Variants in SGCZ observed in about 807,000 individuals in gnomAD.
SGCZ encodes the protein zeta-sarcoglycan.
A neutral mutation model predicts 41.3 loss-of-function variants in SGCZ; 40 were observed. The ratio of observed to expected loss-of-function variants is 0.97; its 90% CI spans 0.75 to 1.26. The LOEUF (loss-of-function observed/expected upper bound fraction) is 1.26. Ranked by LOEUF, SGCZ falls within the 50% of genes most tolerant of loss-of-function variation. The pLI is 0.00. For missense variants in SGCZ, 552 were observed against 369.8 expected (o/e 1.49, Z -4.04); for synonymous variants, 206 against 137.5 (o/e 1.50, Z -3.49).
intron 3 of SGCZ, among the ~76,000 whole-genome samples, chr8:14,280,798 A>G (rs922002058): frequency 2.9e-4 from 6 of 20,370 alleles, no homozygotes; most frequent in Non-Finnish European, 5.6e-4. Context: ...TTTAAACTAT[A>G]GGGTTTTTTT....
At chr8:14,645,077 T>G (rs887883438) in intron 1 of SGCZ, among the ~76,000 whole-genome samples, 14 of 151,664 alleles carry the variant, frequency 9.2e-5, no homozygotes. Context: ...ATTTTTATAT[T>G]TGGCAAGCAT....
At chr8:15,230,021 A>G (rs1163563597) in intron 1 of SGCZ, among the ~76,000 whole-genome samples, 1 of 152,212 alleles carries the variant, frequency 6.6e-6, no homozygotes, top group African/African-American at 2.4e-5. Flanking sequence ...TTATAGATTT[A>G]AAGTTTGCAT....
chr8:14,372,127 G>T (rs915021026), intron 2 of SGCZ, among the ~76,000 whole-genome samples: 1 of 152,066 alleles, frequency 6.6e-6, no homozygotes, highest in Non-Finnish European at 1.5e-5. Flanking sequence ...AATAAGAAAG[G>T]AAATAAGATT....
intron 1 of SGCZ, among the ~76,000 whole-genome samples, chr8:14,734,913 C>A (rs1798980429): frequency 6.6e-6 from 1 of 152,068 alleles, no homozygotes; most frequent in Admixed American, 6.6e-5. Flanking sequence ...TCTTGTTTAA[C>A]ATGGTATGGG....
intron 1 of SGCZ, among the ~76,000 whole-genome samples, chr8:15,012,789 G>C (rs774964982): frequency 6.7e-6 from 1 of 148,890 alleles, no homozygotes; most frequent in Non-Finnish European, 1.5e-5. Flanking sequence ...ATTTATTTAT[G>C]TGTGTGTGCA....
intron 3 of SGCZ, among the ~76,000 whole-genome samples, chr8:14,308,621 A>T (rs1370290530): frequency 6.6e-6 from 1 of 152,036 alleles, no homozygotes; most frequent in Non-Finnish European, 1.5e-5. Context: ...GTCTAAAAAA[A>T]ATTTATAAAA....
At chr8:14,366,658 T>A (rs1382076375) in intron 2 of SGCZ, among the ~76,000 whole-genome samples, 3 of 152,136 alleles carry the variant, frequency 2.0e-5, no homozygotes, top group Non-Finnish European at 4.4e-5. Flanking sequence ...AAGTCCCATC[T>A]GAGACAAGAC....
At chr8:15,071,655 C>T (rs1030069286) in intron 1 of SGCZ, among the ~76,000 whole-genome samples, 4 of 152,170 alleles carry the variant, frequency 2.6e-5, no homozygotes, top group African/African-American at 9.7e-5. Context: ...ACAATATAGA[C>T]AACTTCTGAA....
chr8:14,683,813 G>A (rs943516172), intron 1 of SGCZ, among the ~76,000 whole-genome samples: 1 of 152,048 alleles, frequency 6.6e-6, no homozygotes, highest in Admixed American at 6.6e-5. Flanking sequence ...AAAATTAAGT[G>A]ATTTTCTCAT....
At chr8:14,515,193 C>A (rs1802585475) in intron 2 of SGCZ, among the ~76,000 whole-genome samples, 1 of 151,986 alleles carries the variant, frequency 6.6e-6, no homozygotes. Context: ...TCCAATAAAA[C>A]TGAACTTCTA....
At chr8:14,713,332 G>C (rs1809582394) in intron 1 of SGCZ, among the ~76,000 whole-genome samples, 2 of 152,244 alleles carry the variant, frequency 1.3e-5, no homozygotes, top group Middle Eastern at 3.4e-3. Context: ...AAAGTACAAT[G>C]TTACAGTGTT....
chr8:14,986,284 T>C (rs2130887080), intron 1 of SGCZ, among the ~76,000 whole-genome samples: 1 of 152,184 alleles, frequency 6.6e-6, no homozygotes, highest in East Asian at 1.9e-4. Flanking sequence ...ACTCTTAATA[T>C]AGCAAACTGG....
chr8:15,046,298 A>T (rs1456436460), intron 1 of SGCZ, among the ~76,000 whole-genome samples: 2 of 152,102 alleles, frequency 1.3e-5, no homozygotes, highest in African/African-American at 4.8e-5. Context: ...TTAGTAAAAC[A>T]AATATTTGTA....
chr8:14,471,375 T>G (rs973712260), intron 2 of SGCZ, among the ~76,000 whole-genome samples: 1 of 152,120 alleles, frequency 6.6e-6, no homozygotes, highest in Admixed American at 6.5e-5. Flanking sequence ...CTAAAGATGC[T>G]CATTAAACAC....
intron 1 of SGCZ, among the ~76,000 whole-genome samples, chr8:14,674,904 C>G (rs1808220272): frequency 6.9e-6 from 1 of 144,094 alleles, no homozygotes; most frequent in African/African-American, 2.7e-5. Flanking sequence ...GTACAGTGAG[C>G]CAATTTAACC....
At position 14,841,956 on chromosome 8, in the gene SGCZ, A is replaced by G. The variant is rs1802930351; in HGVS notation, c.40-287030T>C. 2.6e-5 allele frequency among the ~76,000 whole-genome samples: 4 copies of G among 152,148 alleles called. No homozygotes were observed. In the South Asian group the frequency reaches 8.3e-4, roughly 32 times the overall value. The stretch of plus-strand genomic sequence containing the variant: ...CATAATAGAATCACCATCTCAGAGT[A>G]CTTATTCAGTACAGGACTGAATTAT... On this transcript the variant is annotated intron_variant, in intron 1 of 7. Coordinates refer to ENST00000382080, the MANE Select transcript of SGCZ (RefSeq NM_139167.4).
intron 1 of SGCZ, among the ~76,000 whole-genome samples, chr8:15,141,767 T>C (rs1379869426): frequency 6.6e-6 from 1 of 151,974 alleles, no homozygotes; most frequent in Non-Finnish European, 1.5e-5. Flanking sequence ...CTCGGCGTGG[T>C]GGTGCGTGCC....
At chr8:14,313,910 C>CTCTG (rs148519698) in intron 3 of SGCZ, among the ~76,000 whole-genome samples, 4,029 of 144,818 alleles carry the variant, frequency 0.028, 70 homozygotes, top group Non-Finnish European at 0.041. Flanking sequence ...TATCATCTCT[C>CTCTG]TGTGTGTGTG....
rs371946229 is a variant in SGCZ, at chr8:14,940,286, G to A, written c.39+297299C>T. Among the ~76,000 whole-genome samples the A allele has an allele frequency of 4.6e-5, 7 of 152,006 alleles. No homozygotes were observed. In the East Asian group the frequency reaches 1.3e-3, roughly 29 times the overall value. ...CTATAGCTACAGTGACAAAAATATA[G>A]CATCATCATCAAATGTTTGCCATCC... is the stretch of plus-strand genomic sequence containing the variant. On this transcript the variant is annotated intron_variant, in intron 1 of 7. Transcript: ENST00000382080.
Sources: allele counts gnomAD v4.1 joint callset (sites outside exome capture counted in the v4.1 genomes callset), GRCh38; gene constraint gnomAD v4.1.1; transcripts MANE v1.5; gene names NCBI Gene and HGNC (gene_info 2026-07-23, HGNC 2026-07-21).